The following RNF130 variants were observed in gnomAD, a reference collection of about 807,000 sequenced individuals.
The protein encoded by RNF130 is ring finger protein 130.
A neutral mutation model predicts 44.6 loss-of-function variants in RNF130; 21 were observed. The observed-to-expected ratio is 0.47, with a 90% CI of 0.33 to 0.68. The LOEUF is 0.68. RNF130 is among the 30% of genes least tolerant of loss of function. RNF130 has a pLI of 0.02. For missense variants in RNF130, 479 were observed against 560.6 expected (o/e 0.85, Z 1.47); for synonymous variants, 214 against 210.4 (o/e 1.02, Z -0.15).
Position 180,015,630 on chromosome 5 carries a change from AG to A in RNF130, c.443-2320del, listed in dbSNP as rs1167325350. Among the ~76,000 whole-genome samples, 93 of 68,396 alleles carry A rather than the reference AG, an allele frequency of 1.4e-3. 17 individuals carry two copies. The highest frequency in any genetic ancestry group is 3.1e-3 in the East Asian group (8 of 2,614). The allele number at this position is 68,396 out of a possible 152,430, so 44.9% of individuals were successfully genotyped here. ...TAGGGAAAGGAGTAGGGAAAGGAGT[AG>A]GGAAAGGAGTAGGGAAAGGAGTAGG... On this transcript the variant is annotated intron_variant, in intron 2 of 8. Coordinates refer to ENST00000521389, the MANE Select transcript of RNF130 (RefSeq NM_018434.6).
In RNF130 at chr5:179,924,949, A is replaced by G. The variant is rs538293272; in HGVS notation, c.1151-4523T>C. 3.8e-3 allele frequency among the ~76,000 whole-genome samples: 585 copies of G among 152,304 alleles called. 2 individuals carry two copies. The highest frequency in any genetic ancestry group is 5.9e-3 in the Non-Finnish European group (402 of 68,014). On this transcript the variant is annotated intron_variant, in intron 7 of 7. Transcript: ENST00000522208. ...CCCCCAGAAGCATCAGCACAATCCA[A>G]CAGCACTAAGGGAGGAAGATGAAAA...
intron 2 of RNF130, among the ~76,000 whole-genome samples, chr5:180,037,231 C>T (rs938296068): frequency 6.6e-6 from 1 of 152,152 alleles, no homozygotes; most frequent in Non-Finnish European, 1.5e-5. Flanking sequence ...GTCGTCCATG[C>T]ACATGTGCGA....
At chr5:179,983,171 A>AT (rs1452430262) in intron 3 of RNF130, among the ~76,000 whole-genome samples, 3 of 152,038 alleles carry the variant, frequency 2.0e-5, no homozygotes, top group Admixed American at 2.0e-4. Context: ...TCGATTAATC[A>AT]TTTTTTCATT....
intron 1 of RNF130, among the ~76,000 whole-genome samples, chr5:180,065,239 A>G (rs1412616442): frequency 6.6e-6 from 1 of 152,286 alleles, no homozygotes; most frequent in East Asian, 1.9e-4. Flanking sequence ...CCCCTTTCAT[A>G]GTAAAAATTA....
chr5:179,934,076 C>T (rs1761851203), intron 7 of RNF130: 2 of 249,572 alleles, frequency 8.0e-6, no homozygotes, highest in Non-Finnish European at 7.8e-6. Flanking sequence ...TGCTTCATCA[C>T]CGCAGTTAGA....
downstream of RNF130, among the ~76,000 whole-genome samples, chr5:179,954,693 G>A (rs990312675): frequency 3.3e-5 from 5 of 152,156 alleles, no homozygotes; most frequent in African/African-American, 9.7e-5. Flanking sequence ...CACTTTAAAC[G>A]GGTAATTTTA....
chr5:179,981,536 T>A (rs248257), intron 3 of RNF130, among the ~76,000 whole-genome samples: 3 of 152,002 alleles, frequency 2.0e-5, no homozygotes, highest in African/African-American at 7.3e-5. Flanking sequence ...AGTACTTTAC[T>A]TCTATTTTTC....
exon 8 of RNF130, chr5:179,913,597 G>A (rs1465317038): frequency 1.3e-5 from 2 of 152,210 alleles, no homozygotes; most frequent in South Asian, 2.1e-4. Flanking sequence ...ATGGTCACTG[G>A]AGGCTGTGGG....
intron 2 of RNF130, among the ~76,000 whole-genome samples, chr5:180,037,681 T>G (rs959498212): frequency 1.3e-5 from 2 of 152,252 alleles, no homozygotes; most frequent in Non-Finnish European, 2.9e-5. Context: ...ATTCAAGTTT[T>G]AAAGATGGAA....
At chr5:179,991,145 T>C (rs1238125285) in intron 3 of RNF130, among the ~76,000 whole-genome samples, 2 of 152,202 alleles carry the variant, frequency 1.3e-5, no homozygotes, top group African/African-American at 4.8e-5. Flanking sequence ...GTGTAGTGTA[T>C]CTTTCCCTAT....
intron 7 of RNF130, among the ~76,000 whole-genome samples, chr5:179,938,406 G>T (rs751677903): frequency 6.6e-6 from 1 of 151,182 alleles, no homozygotes; most frequent in African/African-American, 2.4e-5. Context: ...GGGCCGGGGG[G>T]ATTGCAGAAT....
At chr5:179,915,822 C>G (rs1310817583) in exon 8 of RNF130, 1 of 152,468 alleles carries the variant, frequency 6.6e-6, no homozygotes, top group Non-Finnish European at 1.5e-5. Context: ...TCCCTTGGGC[C>G]TCTCTATGGC....
At chr5:179,994,906 G>T (rs907792333) in intron 3 of RNF130, among the ~76,000 whole-genome samples, 1 of 152,148 alleles carries the variant, frequency 6.6e-6, no homozygotes, top group African/African-American at 2.4e-5. Flanking sequence ...AGTGTCCCAC[G>T]CAATGGGTTG....
At chr5:179,920,750 C>G (rs1761616220) in intron 7 of RNF130, among the ~76,000 whole-genome samples, 1 of 150,582 alleles carries the variant, frequency 6.6e-6, no homozygotes, top group Non-Finnish European at 1.5e-5. Context: ...GAGGACTGCC[C>G]CCCAGCCCTC....
At chr5:179,925,977 G>A (rs1347328581) in intron 7 of RNF130, among the ~76,000 whole-genome samples, 2 of 152,182 alleles carry the variant, frequency 1.3e-5, no homozygotes, top group African/African-American at 4.8e-5. Context: ...GAAAGGGGGA[G>A]CAGCAGAGGC....
intron 8 of RNF130, among the ~76,000 whole-genome samples, chr5:179,956,730 C>T (rs1260452186): frequency 6.6e-6 from 1 of 152,218 alleles, no homozygotes; most frequent in Non-Finnish European, 1.5e-5. Context: ...GCGGCAGCTC[C>T]GCAGGCATGA....
chr5:180,013,026 G>T (rs776923341), intron 3 of RNF130, 35 bp downstream of exon 3: 27 of 1,590,142 alleles, frequency 1.7e-5, no homozygotes, highest in Non-Finnish European at 2.2e-5. Context: ...AACTCTGGCT[G>T]TTACGAACCA....
At chr5:179,925,571 A>G (rs973934682) in intron 7 of RNF130, among the ~76,000 whole-genome samples, 1 of 151,982 alleles carries the variant, frequency 6.6e-6, no homozygotes, top group African/African-American at 2.4e-5. Flanking sequence ...CTGTTGCCCA[A>G]GCTGGAGTGT....
chr5:179,989,279 G>A (rs1582167341), intron 3 of RNF130, among the ~76,000 whole-genome samples: 2 of 152,290 alleles, frequency 1.3e-5, no homozygotes, highest in Middle Eastern at 6.8e-3. Context: ...CATGACACAT[G>A]GGGATTATGG....
Sources: gnomAD v4.1 joint callset for allele counts (sites outside exome capture counted in the v4.1 genomes callset) on GRCh38, gnomAD v4.1.1 for gene constraint, MANE v1.5 for transcripts, NCBI Gene and HGNC (gene_info 2026-07-23, HGNC 2026-07-21) for gene names.